The following ACSL6 variants were observed in gnomAD, a reference collection of about 807,000 sequenced individuals.
The protein encoded by ACSL6 is acyl-CoA synthetase long chain family member 6, also known as long-chain-fatty-acid--CoA ligase 6.
Under a neutral mutation model 98.2 loss-of-function variants are expected in ACSL6, and 47 were observed. The observed-to-expected ratio is 0.48, with a 90% CI of 0.38 to 0.61. ACSL6 has a LOEUF of 0.61. Among genes scored for constraint, ACSL6 ranks in the 20% least tolerant of loss-of-function variants. ACSL6 has a pLI of 0.00. For synonymous variants in ACSL6, 362 were observed against 336.9 expected (o/e 1.07, Z -0.82); for missense variants, 761 against 913.4 (o/e 0.83, Z 2.15).
chr5:131,989,580 A>ATTT, intron 4 of ACSL6, 72 bp from the exon 5 acceptor site: 1 of 407,688 alleles, frequency 2.5e-6, no homozygotes, highest in Non-Finnish European at 4.3e-6. Context: ...CCCAGGAGGA[A>ATTT]TTCTTTTTTT....
At chr5:131,997,805 C>T (rs945457521) in intron 1 of ACSL6, among the ~76,000 whole-genome samples, 13 of 152,170 alleles carry the variant, frequency 8.5e-5, no homozygotes, top group Non-Finnish European at 1.9e-4. Context: ...GGGCCTGTAC[C>T]CCACCTTGGC....
chr5:131,956,624 G>A (rs1338131670), intron 20 of ACSL6, among the ~76,000 whole-genome samples: 4 of 152,160 alleles, frequency 2.6e-5, no homozygotes, highest in African/African-American at 9.7e-5. Context: ...AATATAGGCA[G>A]TAAGTGGAAA....
upstream of ACSL6, chr5:132,011,899 C>A: frequency 1.3e-6 from 2 of 1,553,516 alleles, no homozygotes; most frequent in Non-Finnish European, 1.7e-6. The surrounding 1 kb of genome is among the most constrained non-coding windows in gnomAD (Gnocchi z 5.4). Flanking sequence ...CGGCCCCGCT[C>A]TCCAACGTCA....
intron 1 of ACSL6, among the ~76,000 whole-genome samples, chr5:132,003,281 C>A (rs568208267): frequency 1.3e-5 from 2 of 152,358 alleles, no homozygotes; most frequent in East Asian, 1.9e-4. Context: ...CTGAATCCCC[C>A]CTCTGGAGGT....
At chr5:132,008,589 G>C (rs1446650264) in intron 1 of ACSL6, among the ~76,000 whole-genome samples, 1 of 152,112 alleles carries the variant, frequency 6.6e-6, no homozygotes, top group Admixed American at 6.5e-5. Flanking sequence ...CAGCTAAATG[G>C]AGGGATCCTC....
chr5:131,956,191 A>T (rs1293864462), intron 20 of ACSL6, among the ~76,000 whole-genome samples: 1 of 152,214 alleles, frequency 6.6e-6, no homozygotes, highest in Non-Finnish European at 1.5e-5. Flanking sequence ...CTACTAAAAA[A>T]TACAGTACTG....
intron 15 of ACSL6, 141 bp downstream of exon 15, chr5:131,969,987 A>T: frequency 1.4e-6 from 1 of 732,204 alleles, no homozygotes; most frequent in South Asian, 1.7e-5. Flanking sequence ...AGACATAACC[A>T]CCATTAATGT....
intron 7 of ACSL6, 96 bp downstream of exon 7, chr5:131,987,952 G>A: frequency 6.6e-7 from 1 of 1,513,506 alleles, no homozygotes; most frequent in Non-Finnish European, 9.0e-7. Flanking sequence ...GCCCAAAACA[G>A]CCACCCCAGG....
chr5:131,955,216 G>T (rs1469517760), intron 20 of ACSL6, among the ~76,000 whole-genome samples: 1 of 152,208 alleles, frequency 6.6e-6, no homozygotes, highest in African/African-American at 2.4e-5. Context: ...TATGGCTAAA[G>T]ATAGGTATCA....
At position 131,976,772 on chromosome 5, in the gene ACSL6, T is replaced by G. The variant is rs781205670; in HGVS notation, c.917-51A>C. On this transcript the variant is annotated intron_variant, in intron 9 of 20. Transcript: ENST00000651883. ...ATTAGTTGGAAACTCAAGGGCCACT[T>G]CTTGAGAGCAGTGCCCAAGTTGGCA... 2.5e-5 allele frequency: 38 copies of G among 1,521,650 alleles called. No individual in the cohort carries two copies. The South Asian group carries it at 4.0e-4, about 16-fold the overall frequency. The allele number at this position is 1,521,650 out of a possible 1,614,324, so 94.3% of individuals were successfully genotyped here. A position where few individuals can be genotyped will look rare whatever the true frequency, so the allele number is the denominator to read the frequency against.
chr5:132,011,824 G>A (rs548150839), upstream of ACSL6: 18 of 1,489,184 alleles, frequency 1.2e-5, no homozygotes, highest in East Asian at 2.4e-4. This position sits in a 1 kb window ranked among gnomAD's most constrained non-coding sequence, Gnocchi z 5.4. Flanking sequence ...CACTGACCGC[G>A]GTGTCGGAAC....
intron 11 of ACSL6, among the ~76,000 whole-genome samples, chr5:131,974,348 A>T (rs1753491769): frequency 6.6e-6 from 1 of 152,228 alleles, no homozygotes; most frequent in Non-Finnish European, 1.5e-5. Flanking sequence ...GAGCCATGCC[A>T]GTTTCATTCC....
intron 1 of ACSL6, chr5:132,001,943 G>C (rs977925017): frequency 6.6e-6 from 1 of 152,156 alleles, no homozygotes; most frequent in Non-Finnish European, 1.5e-5. Flanking sequence ...GATACACAGT[G>C]TCTTTCACAC....
chr5:132,012,040 C>G (rs1755764740), upstream of ACSL6: 1 of 1,363,096 alleles, frequency 7.3e-7, no homozygotes, highest in African/African-American at 1.5e-5. Context: ...GACTCGCAGC[C>G]TGGGTTTTAT....
intron 17 of ACSL6, among the ~76,000 whole-genome samples, chr5:131,963,319 T>G (rs1580630920): frequency 6.6e-6 from 1 of 152,124 alleles, no homozygotes; most frequent in East Asian, 1.9e-4. Flanking sequence ...CCTCCCTGAC[T>G]CTCCTTGACC....
At chr5:131,955,266 T>C (rs1287112625) in intron 20 of ACSL6, among the ~76,000 whole-genome samples, 1 of 152,228 alleles carries the variant, frequency 6.6e-6, no homozygotes, top group African/African-American at 2.4e-5. Flanking sequence ...ATGTGTATCA[T>C]CAAGTGTTTC....
chr5:131,970,358 G>A (rs1157266266), intron 14 of ACSL6, among the ~76,000 whole-genome samples, 158 bp from the exon 15 acceptor site: 3 of 152,068 alleles, frequency 2.0e-5, no homozygotes, highest in African/African-American at 7.2e-5. Flanking sequence ...ATAACTCCAG[G>A]TGAAACTGAA....
intron 17 of ACSL6, among the ~76,000 whole-genome samples, chr5:131,963,493 TGCTTCAAAAACTAG>T (rs556137544): frequency 6.6e-6 from 1 of 152,340 alleles, no homozygotes; most frequent in African/African-American, 2.4e-5. Context: ...ACCCTTGGAA[TGCTTCAAAAACTAG>T]GCTATTTGTC....
chr5:131,954,938 T>C (rs752753450), intron 20 of ACSL6, among the ~76,000 whole-genome samples: 7 of 152,178 alleles, frequency 4.6e-5, no homozygotes, highest in Middle Eastern at 3.2e-3. Flanking sequence ...AAGTGGTTTC[T>C]TGTTCCATAA....
Sources: allele counts gnomAD v4.1 joint callset (sites outside exome capture counted in the v4.1 genomes callset), GRCh38; gene constraint gnomAD v4.1.1; non-coding constraint Gnocchi (gnomAD v3.1); transcripts MANE v1.5; gene names NCBI Gene and HGNC (gene_info 2026-07-23, HGNC 2026-07-21).